Variants in AGTPBP1 observed in about 807,000 individuals in gnomAD.
AGTPBP1 encodes cytosolic carboxypeptidase 1.
AGTPBP1 carries 70 observed loss-of-function variants against 143.9 expected under a neutral mutation model. That is an observed-to-expected ratio of 0.49 (90% CI 0.40 to 0.59). AGTPBP1 has a LOEUF of 0.59. Ranked by LOEUF, AGTPBP1 falls within the 20% of genes least tolerant of loss-of-function variation. The pLI is 0.00. For missense variants in AGTPBP1, 1,229 were observed against 1,464.5 expected (o/e 0.84, Z 2.62); for synonymous variants, 463 against 500.2 (o/e 0.93, Z 0.99).
chr9:85,693,930 GA>G (rs1173431051), intron 2 of AGTPBP1, among the ~76,000 whole-genome samples: 4 of 152,036 alleles, frequency 2.6e-5, no homozygotes, highest in Non-Finnish European at 5.9e-5. Flanking sequence ...GAGCTGTCCA[GA>G]AAAACGGAGG....
intron 1 of AGTPBP1, among the ~76,000 whole-genome samples, chr9:85,728,775 G>GA (rs972562298): frequency 2.2e-3 from 293 of 135,198 alleles, no homozygotes; most frequent in Non-Finnish European, 2.6e-3. Context: ...TTGCCAATCA[G>GA]AAAAAAAAAA....
chr9:85,614,897 G>A (rs76001353), intron 17 of AGTPBP1, among the ~76,000 whole-genome samples: 1,579 of 152,182 alleles, frequency 0.01, 34 homozygotes, highest in African/African-American at 0.036. Context: ...TATCAATCAG[G>A]TTCTAATCTG....
chr9:85,566,070 A>G (rs929920827), intron 25 of AGTPBP1, among the ~76,000 whole-genome samples: 3 of 152,176 alleles, frequency 2.0e-5, no homozygotes, highest in African/African-American at 7.2e-5. Context: ...ATTCAACTCA[A>G]TATGTGACTG....
chr9:85,620,574 C>T (rs1830869155), intron 15 of AGTPBP1, among the ~76,000 whole-genome samples: 1 of 152,072 alleles, frequency 6.6e-6, no homozygotes. Context: ...AAATAATAGT[C>T]AAACTCAATA....
chr9:85,776,539 G>A, the AGTPBP1 span, among the ~76,000 whole-genome samples: 3 of 152,102 alleles, frequency 2.0e-5, no homozygotes, highest in East Asian at 1.9e-4. Context: ...AATACTAAGC[G>A]ACACCCTAAT....
intron 25 of AGTPBP1, among the ~76,000 whole-genome samples, chr9:85,552,327 C>T (rs1471179995): frequency 6.6e-6 from 1 of 152,142 alleles, no homozygotes; most frequent in African/African-American, 2.4e-5. Context: ...TTTCTGGCTA[C>T]CCTCACATTA....
rs1320574186 is a variant in AGTPBP1, at chr9:85,688,442, A to G, written c.157+4247T>C. ...TTTACAACTAAAAATGTCACCAAAC[A>G]TTGCCAATGTCCCTGGGGGAAAAAG... On this transcript the variant is annotated intron_variant, in intron 3 of 25. Transcript: ENST00000357081. 2.6e-5 allele frequency among the ~76,000 whole-genome samples: 4 copies of G among 152,154 alleles called. No individual in the cohort carries two copies. The East Asian group carries it at 7.7e-4, about 29-fold the overall frequency.
the AGTPBP1 span, among the ~76,000 whole-genome samples, chr9:85,803,169 A>C: frequency 2.6e-3 from 390 of 152,302 alleles, 2 homozygotes; most frequent in Admixed American, 5.3e-3. Context: ...ATGGATCCCT[A>C]GACTAACCTT....
At chr9:85,573,755 C>T (rs1254747330) in intron 25 of AGTPBP1, among the ~76,000 whole-genome samples, 2 of 152,018 alleles carry the variant, frequency 1.3e-5, no homozygotes, top group African/African-American at 2.4e-5. Context: ...TCTGCCCCAC[C>T]ACCCCGTCTG....
chr9:85,786,553 T>C, the AGTPBP1 span: 6 of 1,613,914 alleles, frequency 3.7e-6, no homozygotes, highest in Non-Finnish European at 5.1e-6. Context: ...TCGAAGTATC[T>C]AGAAAACCAA....
At chr9:85,606,151 T>A (rs1205770993) in intron 17 of AGTPBP1, among the ~76,000 whole-genome samples, 1 of 152,012 alleles carries the variant, frequency 6.6e-6, no homozygotes, top group Non-Finnish European at 1.5e-5. Flanking sequence ...AATCTATTTA[T>A]CTGACAAGGG....
At chr9:85,742,725 G>A (rs552615325), upstream of AGTPBP1, among the ~76,000 whole-genome samples, 1 of 152,314 alleles carries the variant, frequency 6.6e-6, no homozygotes, top group East Asian at 1.9e-4. Flanking sequence ...ATGTGTCAGA[G>A]AAATTACTAA....
chr9:85,599,176 GGAGAGAGGGA>G, intron 17 of AGTPBP1, among the ~76,000 whole-genome samples: 1 of 144,836 alleles, frequency 6.9e-6, no homozygotes. Flanking sequence ...GGTGAGAGAG[GGAGAGAGGGA>G]GAGAGAGGGA....
chr9:85,565,345 G>A (rs1403475992), intron 25 of AGTPBP1, among the ~76,000 whole-genome samples: 1 of 151,946 alleles, frequency 6.6e-6, no homozygotes, highest in African/African-American at 2.4e-5. Context: ...CTAAGTTGTG[G>A]AATAACACGA....
At chr9:85,746,485 T>A (rs1489966780), upstream of AGTPBP1, among the ~76,000 whole-genome samples, 3 of 152,016 alleles carry the variant, frequency 2.0e-5, no homozygotes, top group Non-Finnish European at 4.4e-5. Flanking sequence ...TAAAATTACC[T>A]GAGCGTGGTG....
In AGTPBP1 at chr9:85,698,679, CTTTTTTTTTTT is replaced by C. The variant is rs34248388; in HGVS notation, c.33-5877_33-5867del. ...GGAAATGTATCTTCCCCACCTAACC[CTTTTTTTTTTT>C]TTTTTTTTTTTTTTTTTTTTGAGAA... is the stretch of plus-strand genomic sequence containing the variant. On this transcript the variant is annotated intron_variant, in intron 2 of 25. Transcript: ENST00000357081. Among the ~76,000 whole-genome samples the C allele has an allele frequency of 2.0e-4, 15 of 76,580 alleles. No individual in the cohort carries two copies. In the East Asian group the frequency reaches 2.7e-3, roughly 14 times the overall value. The allele number at this position is 76,580 out of a possible 152,430, so 50.2% of individuals were successfully genotyped here.
intron 14 of AGTPBP1, among the ~76,000 whole-genome samples, chr9:85,625,503 T>C (rs1300042780): frequency 6.6e-6 from 1 of 152,224 alleles, no homozygotes; most frequent in Non-Finnish European, 1.5e-5. Context: ...TTCATAAGCG[T>C]ATTTTTTAAA....
chr9:85,750,163 CAGTAT>C, the AGTPBP1 span, among the ~76,000 whole-genome samples: 1 of 152,060 alleles, frequency 6.6e-6, no homozygotes, highest in African/African-American at 2.4e-5. Context: ...ATTACAAGTG[CAGTAT>C]ACTTTTAAAG....
intron 15 of AGTPBP1, among the ~76,000 whole-genome samples, chr9:85,620,492 A>G (rs1043370825): frequency 1.3e-5 from 2 of 151,852 alleles, no homozygotes; most frequent in African/African-American, 2.4e-5. Flanking sequence ...TTCCAAAAAT[A>G]TTTGTATGTT....
Sources: allele counts gnomAD v4.1 joint callset (sites outside exome capture counted in the v4.1 genomes callset), GRCh38; gene constraint gnomAD v4.1.1; transcripts MANE v1.5; gene names NCBI Gene and HGNC (gene_info 2026-07-23, HGNC 2026-07-21).